The following TRPV1 variants were observed in gnomAD, a reference collection of about 807,000 sequenced individuals.
TRPV1 encodes the protein transient receptor potential cation channel subfamily V member 1, also known as OTRPC1.
In TRPV1, 82 loss-of-function variants were observed where a neutral mutation model predicts 82.3. The ratio of observed to expected loss-of-function variants is 1.00; its 90% confidence interval spans 0.83 to 1.20. The LOEUF is 1.20. TRPV1 is among the 50% of genes most tolerant of loss of function. TRPV1 has a pLI of 0.00. For synonymous variants in TRPV1, 515 were observed against 467.7 expected, an observed-to-expected ratio of 1.10 and a Z score of -1.30; for missense variants, 1,067 against 1,096.8, an observed-to-expected ratio of 0.97 and a Z score of 0.38.
chr17:3,588,481 G>A, intron 7 of TRPV1, 114 bp from the exon 8 acceptor site: 2 of 1,236,944 alleles, frequency 1.6e-6, no homozygotes, highest in South Asian at 2.9e-5. Context: ...CTAAGCCCCA[G>A]GCGAGTCCCC....
intron 2 of TRPV1, among the ~76,000 whole-genome samples, chr17:3,601,179 C>T (rs549540648): frequency 2.6e-5 from 4 of 152,130 alleles, no homozygotes; most frequent in Non-Finnish European, 5.9e-5. Context: ...CTCGGCCCTC[C>T]CTGGGCTGTT....
rs3744686 is a variant in TRPV1 at position 3,585,955 on chromosome 17, C to G, written c.1225-29G>C. 6 of 1,612,258 alleles carry G rather than the reference C, an allele frequency of 3.7e-6. No individual in the cohort carries two copies. The African/African-American group carries it at 8.0e-5, about 22-fold the overall frequency. Reference sequence around the variant, plus strand: ...GGGGGTGGGGAGAGAAGTGAGGTTCCCTCCTGCAGCAGGAACTCCTCGCAC... The same window carrying G: ...GGGGGTGGGGAGAGAAGTGAGGTTCGCTCCTGCAGCAGGAACTCCTCGCAC... On this transcript the variant is annotated intron_variant, in intron 8 of 16. Coordinates refer to ENST00000572705, the MANE Select transcript of TRPV1 (RefSeq NM_080704.4).
chr17:3,573,339 A>C (rs1330594010), intron 14 of TRPV1, among the ~76,000 whole-genome samples: 1 of 151,888 alleles, frequency 6.6e-6, no homozygotes, highest in African/African-American at 2.4e-5. Context: ...GTCTATAAAC[A>C]CCAGCTGAGC....
chr17:3,582,508 A>C (rs2075033863), intron 10 of TRPV1, among the ~76,000 whole-genome samples: 1 of 152,144 alleles, frequency 6.6e-6, no homozygotes, highest in Non-Finnish European at 1.5e-5. Flanking sequence ...AAAGAAGCTG[A>C]AACTAGAAAT....
intron 7 of TRPV1, 21 bp downstream of exon 7, chr17:3,589,786 T>G: frequency 6.3e-7 from 1 of 1,595,710 alleles, no homozygotes; most frequent in Non-Finnish European, 8.5e-7. Flanking sequence ...CGCACCAGCC[T>G]GAGCCGAAGC....
In TRPV1 at chr17:3,565,664, A is replaced by G. The variant is rs1315763336; in HGVS notation, c.*1151T>C. ...GATCGTAAGGAAGGATGAAGAAGGC[A>G]CTGCTGCAACAGCTTGATTCTGCCA... On this transcript the variant is annotated 3_prime_UTR_variant, in exon 17 of 17. Coordinates refer to ENST00000572705, the MANE Select transcript of TRPV1 (RefSeq NM_080704.4). 4 of 152,260 alleles carry G rather than the reference A, an allele frequency of 2.6e-5. No homozygotes were observed. Among genetic ancestry groups the G allele is most frequent in the African/African-American group, 7.2e-5 (3 of 41,448 alleles). The allele number at this position is 152,260 out of a possible 1,614,324, so 9.4% of individuals were successfully genotyped here. A position where few individuals can be genotyped will look rare whatever the true frequency, so the allele number is the denominator to read the frequency against.
chr17:3,570,372 GAAAAA>G (rs71153372), intron 16 of TRPV1, among the ~76,000 whole-genome samples: 7 of 133,106 alleles, frequency 5.3e-5, no homozygotes, highest in African/African-American at 2.0e-4. Flanking sequence ...TCCATCTCAG[GAAAAA>G]AAAAAAAAAA....
At chr17:3,569,988 T>G (rs1597509355) in intron 16 of TRPV1, among the ~76,000 whole-genome samples, 2 of 149,572 alleles carry the variant, frequency 1.3e-5, no homozygotes. Context: ...GGCCAAGCGG[T>G]CAGGGAGGAG....
At chr17:3,567,195 T>G (rs917318365) in intron 16 of TRPV1, among the ~76,000 whole-genome samples, 1 of 114,390 alleles carries the variant, frequency 8.7e-6, no homozygotes, top group African/African-American at 3.4e-5. Flanking sequence ...CCATCTCTAC[T>G]AAAAATACAA....
At chr17:3,588,990 A>G (rs2075118969) in intron 7 of TRPV1, 2 of 1,530,936 alleles carry the variant, frequency 1.3e-6, no homozygotes, top group Non-Finnish European at 1.7e-6. Context: ...AAGAAAGAGA[A>G]TGCAAGAAAT....
intron 2 of TRPV1, among the ~76,000 whole-genome samples, chr17:3,604,842 T>A (rs1372025575): frequency 2.0e-5 from 3 of 151,850 alleles, no homozygotes; most frequent in African/African-American, 4.8e-5. Flanking sequence ...CTTCCTCCAA[T>A]CCAGCGTCCA....
At chr17:3,595,915 C>G (rs925392261) in intron 2 of TRPV1, 1 of 152,198 alleles carries the variant, frequency 6.6e-6, no homozygotes, top group Non-Finnish European at 1.5e-5. Context: ...TGGGCTGGGC[C>G]GGGGAACAGG....
chr17:3,590,905 G>GC (rs3216758), intron 5 of TRPV1, 59 bp downstream of exon 5: 373,527 of 1,499,736 alleles, frequency 0.25, 48,715 homozygotes, highest in East Asian at 0.49. Flanking sequence ...GGACAACCAT[G>GC]CCCCCCTGCT....
Position 3,592,144 on chromosome 17 carries a change from C to A in TRPV1, c.207G>T (p.Glu69Asp). ...FPVDCPHEEG[E>D]LDSCPTITVS... ...CTGTGATGGTCGGGCAGGAGTCCAGCTCACCTTCCTCGTGAGGGCAATCCA... is the reference window on the plus strand; with the variant it reads ...CTGTGATGGTCGGGCAGGAGTCCAGATCACCTTCCTCGTGAGGGCAATCCA... The change falls in exon 3 of 17, where the codon GAG becomes GAT. Residue 69 changes from glutamate to aspartate, a missense_variant. Transcript: ENST00000572705. The A allele has an allele frequency of 6.2e-7, 1 of 1,613,914 alleles. No individual in the cohort carries two copies. The highest frequency in any genetic ancestry group is 8.5e-7 in the Non-Finnish European group (1 of 1,179,868).
At chr17:3,594,603 C>T (rs2075201503) in intron 2 of TRPV1, among the ~76,000 whole-genome samples, 1 of 152,238 alleles carries the variant, frequency 6.6e-6, no homozygotes, top group Non-Finnish European at 1.5e-5. Context: ...CTGAGTCTTT[C>T]TCTGACTCAC....
At chr17:3,597,116 C>T (rs2075227122) in intron 2 of TRPV1, 1 of 152,764 alleles carries the variant, frequency 6.5e-6, no homozygotes, top group Non-Finnish European at 1.5e-5. Flanking sequence ...GGAAAAAACG[C>T]TTCCAGCGAT....
chr17:3,570,760 C>G (rs1450215329), intron 16 of TRPV1, among the ~76,000 whole-genome samples: 2 of 152,248 alleles, frequency 1.3e-5, no homozygotes, highest in Non-Finnish European at 1.5e-5. Flanking sequence ...GTTGCCCCGG[C>G]TGGAGTGTAG....
At position 3,590,033 on chromosome 17, in the gene TRPV1, C is replaced by T. The variant is rs1035470584; in HGVS notation, c.818G>A (p.Trp273Ter). ...GIVKFLLQNSWQTADISARDS... is the reference protein window; with the variant it reads ...GIVKFLLQNS ...CCTGGCGCTGATGTCGGCCGTCTGC[C>T]AGGAGTTCTGCAGCAGGAACTTCAC... The change falls in exon 7 of 17, where the codon TGG becomes TAG. Residue 273 changes from tryptophan (W) to a stop codon, truncating the protein, a stop_gained. Transcript: ENST00000572705. LOFTEE classifies it high-confidence loss of function. 1.2e-5 allele frequency: 19 copies of T among 1,580,284 alleles called. No individual in the cohort carries two copies. Among genetic ancestry groups the T allele is most frequent in the Non-Finnish European group, 1.5e-5 (18 of 1,163,852 alleles).
intron 10 of TRPV1, among the ~76,000 whole-genome samples, chr17:3,581,242 A>T (rs71360952): frequency 1.3e-5 from 2 of 152,044 alleles, no homozygotes; most frequent in Non-Finnish European, 2.9e-5. Context: ...TGGGATTACA[A>T]GCGTGAGCCA....
Sources: gnomAD v4.1 joint callset for allele counts (sites outside exome capture counted in the v4.1 genomes callset) on GRCh38, gnomAD v4.1.1 for gene constraint, MANE v1.5 for transcripts, NCBI Gene and HGNC (gene_info 2026-07-23, HGNC 2026-07-21) for gene names.